SCAPER: variants seen among roughly 807,000 people sequenced by gnomAD.
SCAPER encodes the protein S phase cyclin A-associated protein in the endoplasmic reticulum.
A neutral mutation model predicts 182.2 loss-of-function variants in SCAPER; 98 were observed. The observed-to-expected ratio is 0.54, with a 90% CI of 0.46 to 0.64. SCAPER has a LOEUF of 0.64. Ranked by LOEUF, SCAPER falls within the 30% of genes least tolerant of loss-of-function variation. The probability of loss-of-function intolerance (pLI) is 0.00; values close to 1 mark genes in which losing one functional copy is unlikely to be tolerated. For missense variants in SCAPER, 1,432 were observed against 1,690.0 expected (o/e 0.85, Z 2.68); for synonymous variants, 605 against 564.6 (o/e 1.07, Z -1.01).
At chr15:76,550,885 T>A (rs1035654274) in intron 23 of SCAPER, among the ~76,000 whole-genome samples, 3 of 152,140 alleles carry the variant, frequency 2.0e-5, no homozygotes, top group Admixed American at 6.5e-5. Flanking sequence ...ATAATCGCCA[T>A]TCTGACTGGT....
chr15:76,842,030 C>A, intron 4 of SCAPER, 99 bp from the exon 5 acceptor site: 1 of 1,053,408 alleles, frequency 9.5e-7, no homozygotes, highest in East Asian at 2.5e-5. Context: ...CAAAACTACT[C>A]CAGAAATAAA....
chr15:76,549,131 C>A (rs867358219), intron 23 of SCAPER, among the ~76,000 whole-genome samples: 1 of 152,100 alleles, frequency 6.6e-6, no homozygotes, highest in African/African-American at 2.4e-5. Flanking sequence ...AAAAAGTGGG[C>A]AAAGGATATG....
At chr15:76,433,499 A>G (rs976047819) in intron 26 of SCAPER, among the ~76,000 whole-genome samples, 2 of 152,090 alleles carry the variant, frequency 1.3e-5, no homozygotes, top group African/African-American at 4.8e-5. Context: ...GGTGATAGAA[A>G]AAACAACAAC....
intron 25 of SCAPER, among the ~76,000 whole-genome samples, chr15:76,435,784 G>A (rs963635071): frequency 6.6e-6 from 1 of 152,188 alleles, no homozygotes; most frequent in African/African-American, 2.4e-5. Flanking sequence ...TATCCTTTAA[G>A]TTTTGAAGGA....
chr15:76,854,198 G>A (rs1213245207), intron 4 of SCAPER, among the ~76,000 whole-genome samples: 1 of 152,006 alleles, frequency 6.6e-6, no homozygotes, highest in Non-Finnish European at 1.5e-5. Flanking sequence ...GAACCCAGGA[G>A]GCGGAGGTTG....
intron 21 of SCAPER, among the ~76,000 whole-genome samples, chr15:76,646,602 A>G (rs1030649595): frequency 6.6e-5 from 10 of 152,174 alleles, no homozygotes; most frequent in African/African-American, 2.2e-4. Flanking sequence ...TTTATTGCCT[A>G]TCTTGCTTTT....
chr15:76,869,093 T>A (rs2072510198), intron 2 of SCAPER, among the ~76,000 whole-genome samples: 1 of 152,132 alleles, frequency 6.6e-6, no homozygotes, highest in Non-Finnish European at 1.5e-5. Flanking sequence ...TTCCTATCTC[T>A]CACCATACCA....
At chr15:76,608,667 C>G (rs1262272691) in intron 22 of SCAPER, among the ~76,000 whole-genome samples, 1 of 152,226 alleles carries the variant, frequency 6.6e-6, no homozygotes, top group African/African-American at 2.4e-5. Flanking sequence ...GGGCTCTACC[C>G]AGTTCGAGAT....
chr15:76,547,986 G>A (rs2045435610), intron 23 of SCAPER, among the ~76,000 whole-genome samples: 1 of 151,904 alleles, frequency 6.6e-6, no homozygotes, highest in Non-Finnish European at 1.5e-5. Flanking sequence ...TAAGTTATGG[G>A]GACTTAACAG....
chr15:76,743,870 C>T (rs1231278376), intron 15 of SCAPER, among the ~76,000 whole-genome samples: 3 of 152,126 alleles, frequency 2.0e-5, no homozygotes, highest in African/African-American at 7.2e-5. Context: ...TGAGGCATCA[C>T]ATTACCCGAC....
intron 26 of SCAPER, among the ~76,000 whole-genome samples, chr15:76,415,157 G>GT: frequency 6.6e-6 from 1 of 152,258 alleles, no homozygotes; most frequent in Admixed American, 6.5e-5. Context: ...GGAAACTGCA[G>GT]TTTTTTTGAT....
At chr15:76,806,068 T>G (rs557047597) in intron 5 of SCAPER, among the ~76,000 whole-genome samples, 5 of 152,264 alleles carry the variant, frequency 3.3e-5, no homozygotes, top group African/African-American at 1.2e-4. Flanking sequence ...CACACACAAG[T>G]TTTTAATTTT....
chr15:76,536,449 CTTA>C (rs1371419200), intron 23 of SCAPER, among the ~76,000 whole-genome samples: 1 of 152,140 alleles, frequency 6.6e-6, no homozygotes, highest in Non-Finnish European at 1.5e-5. Flanking sequence ...TCTCACTGTT[CTTA>C]TTTTAAAAAT....
chr15:76,715,455 A>G (rs1425212052), intron 17 of SCAPER, among the ~76,000 whole-genome samples: 3 of 152,046 alleles, frequency 2.0e-5, no homozygotes, highest in African/African-American at 7.2e-5. Context: ...CTAGAACTGG[A>G]CTAGTCCCCC....
chr15:76,726,856 A>G (rs1185461175), intron 17 of SCAPER, among the ~76,000 whole-genome samples: 2 of 152,056 alleles, frequency 1.3e-5, no homozygotes, highest in Non-Finnish European at 2.9e-5. Flanking sequence ...GAGAATAGGG[A>G]GTTACTACTT....
chr15:76,844,747 C>T (rs2069869947), intron 4 of SCAPER, among the ~76,000 whole-genome samples: 1 of 152,110 alleles, frequency 6.6e-6, no homozygotes, highest in Non-Finnish European at 1.5e-5. Context: ...AAGAAAAGCT[C>T]AGGCCCTGAA....
chr15:76,495,577 CAAAAAAAAAAA>C (rs71444987), intron 24 of SCAPER, among the ~76,000 whole-genome samples: 9 of 56,958 alleles, frequency 1.6e-4, no homozygotes, highest in South Asian at 1.0e-3. Flanking sequence ...GACTTGGTCT[CAAAAAAAAAAA>C]AAAAAAAAAA....
chr15:76,729,871 C>G (rs969658365), intron 16 of SCAPER, among the ~76,000 whole-genome samples: 21 of 151,918 alleles, frequency 1.4e-4, no homozygotes, highest in Admixed American at 1.1e-3. Context: ...TAACATGTTC[C>G]TCATCTTATT....
chr15:76,674,987 A>G (rs975307196), intron 20 of SCAPER, among the ~76,000 whole-genome samples: 1 of 152,190 alleles, frequency 6.6e-6, no homozygotes, highest in African/African-American at 2.4e-5. Context: ...AAACCTCCAT[A>G]AAAAATAGCC....
Sources: gnomAD v4.1 joint callset for allele counts (sites outside exome capture counted in the v4.1 genomes callset) on GRCh38, gnomAD v4.1.1 for gene constraint, MANE v1.5 for transcripts, NCBI Gene and HGNC (gene_info 2026-07-23, HGNC 2026-07-21) for gene names.